CENPN: variants seen among roughly 807,000 people sequenced by gnomAD.
CENPN encodes the protein interphase centromere complex protein 32.
CENPN carries 36 observed loss-of-function variants against 48.6 expected under a neutral mutation model. The ratio of observed to expected loss-of-function variants is 0.74; its 90% CI spans 0.57 to 0.98. The LOEUF (loss-of-function observed/expected upper bound fraction) is 0.98. Ranked by LOEUF, CENPN falls within the 50% of genes least tolerant of loss-of-function variation. CENPN has a pLI of 0.00. For synonymous variants in CENPN, 166 were observed against 135.2 expected (o/e 1.23, Z -1.58); for missense variants, 439 against 399.2 (o/e 1.10, Z -0.85).
chr16:81,018,429 C>T (rs772195911), intron 5 of CENPN, among the ~76,000 whole-genome samples: 37 of 152,118 alleles, frequency 2.4e-4, no homozygotes, highest in Non-Finnish European at 4.6e-4. Context: ...CTGCCTCGGC[C>T]TCCCAAAGTG....
chr16:81,011,160 C>G (rs1490790793), intron 1 of CENPN, among the ~76,000 whole-genome samples: 2 of 152,156 alleles, frequency 1.3e-5, no homozygotes, highest in Non-Finnish European at 2.9e-5. Context: ...AGGCTCTTGC[C>G]TCAGGACTTT....
chr16:81,014,306 C>T (rs1213280634), intron 3 of CENPN, 125 bp downstream of exon 3: 5 of 724,812 alleles, frequency 6.9e-6, no homozygotes, highest in Non-Finnish European at 7.3e-6. Flanking sequence ...GCCATCTCAG[C>T]TCACCGCGAC....
intron 4 of CENPN, 21 bp from the exon 5 acceptor site, chr16:81,017,737 A>T (rs1567549711): frequency 4.1e-6 from 6 of 1,464,672 alleles, no homozygotes; most frequent in East Asian, 2.4e-5. Context: ...ATTTTTCTTT[A>T]TTTTTTTTTC....
At chr16:81,015,305 G>A (rs1969891415) in intron 3 of CENPN, among the ~76,000 whole-genome samples, 6 of 152,184 alleles carry the variant, frequency 3.9e-5, no homozygotes, top group Admixed American at 3.9e-4. Flanking sequence ...CAGACCTCTT[G>A]GGTTCATTTC....
At chr16:81,019,258 C>G (rs924294498) in intron 5 of CENPN, among the ~76,000 whole-genome samples, 52 of 151,858 alleles carry the variant, frequency 3.4e-4, no homozygotes, top group African/African-American at 1.1e-3. Context: ...ACTCTGTTGC[C>G]CAGGCTGGAA....
At chr16:81,017,608 A>T in intron 4 of CENPN, 150 bp from the exon 5 acceptor site, 1 of 690,038 alleles carries the variant, frequency 1.4e-6, no homozygotes, top group South Asian at 1.7e-5. Context: ...TCTTGGTGCC[A>T]TGTCAGAAGT....
rs1453135809 is a variant in CENPN at position 81,030,239 on chromosome 16, G to T, written c.*1588G>T. 1.0e-6 allele frequency: 1 copy of T among 985,308 alleles called. No individual in the cohort carries two copies. 61.0% of individuals were successfully genotyped at this position (985,308 alleles called of 1,614,324 possible). On this transcript the variant is annotated 3_prime_UTR_variant, in exon 11 of 11. Transcript: ENST00000305850. Reference sequence around the variant, plus strand: ...CATGAGCTACCACGCCCGCCAGCATGTCTTTTTTAAACATTTTAAAATCTA... The same window carrying T: ...CATGAGCTACCACGCCCGCCAGCATTTCTTTTTTAAACATTTTAAAATCTA...
intron 1 of CENPN, among the ~76,000 whole-genome samples, chr16:81,011,440 C>A (rs576544891): frequency 6.6e-6 from 1 of 152,280 alleles, no homozygotes; most frequent in East Asian, 1.9e-4. Flanking sequence ...TATGTATCCC[C>A]AGTGCCTAGA....
At chr16:81,014,653 G>A (rs1969867204) in intron 3 of CENPN, among the ~76,000 whole-genome samples, 1 of 152,146 alleles carries the variant, frequency 6.6e-6, no homozygotes, top group South Asian at 2.1e-4. Flanking sequence ...ACTTCAAGCA[G>A]AGATAATAGT....
At chr16:81,014,230 G>A (rs374009098) in intron 3 of CENPN, 49 bp downstream of exon 3, 1 of 1,525,958 alleles carries the variant, frequency 6.6e-7, no homozygotes, top group Middle Eastern at 1.7e-4. Context: ...GTTTATTAGA[G>A]GCAATTTTGT....
In CENPN at chr16:81,029,226, G is replaced by T. The variant is rs1430007805; in HGVS notation, c.*575G>T. 1.1e-6 allele frequency: 1 copy of T among 918,462 alleles called. No individual in the cohort carries two copies. The highest frequency in any genetic ancestry group is 6.2e-5 in the Admixed American group (1 of 16,170). The allele number at this position is 918,462 out of a possible 1,614,324, so 56.9% of individuals were successfully genotyped here. On this transcript the variant is annotated 3_prime_UTR_variant, in exon 11 of 11. Transcript: ENST00000305850. ...AAAATAGTGTTCTTATTGTAAATAT[G>T]ATACTTCTCATAATCTATTTTATCA... is the stretch of plus-strand genomic sequence containing the variant.
intron 6 of CENPN, among the ~76,000 whole-genome samples, chr16:81,021,451 A>G (rs559593830): frequency 6.6e-6 from 1 of 152,224 alleles, no homozygotes; most frequent in South Asian, 2.1e-4. Context: ...GAGCAGCTCC[A>G]CCATCCTGGC....
chr16:81,028,575 C>G lies in CENPN; in HGVS notation c.944C>G (p.Ala315Gly). The G allele has an allele frequency of 6.3e-7, 1 of 1,598,392 alleles. No homozygotes were observed. The highest frequency in any genetic ancestry group is 8.5e-7 in the Non-Finnish European group (1 of 1,171,452). ...TTTTTTTTTTTAATTTCAGGTATTGCAGATGCTCCACTTTCTCCACTGCTC... is the reference window on the plus strand; with the variant it reads ...TTTTTTTTTTTAATTTCAGGTATTGGAGATGCTCCACTTTCTCCACTGCTC... ...ALKSLAPAGIADAPLSPLLTC... is the reference protein window; with the variant it reads ...ALKSLAPAGIGDAPLSPLLTC... The change falls in exon 11 of 11, where the codon GCA becomes GGA. Residue 315 changes from alanine to glycine, a missense_variant. By Grantham distance (60) the Ala-to-Gly change is moderately conservative. Coordinates refer to ENST00000305850, the MANE Select transcript of CENPN (RefSeq NM_001100624.3).
intron 3 of CENPN, 119 bp from the exon 4 acceptor site, chr16:81,017,205 GTA>G: frequency 1.4e-6 from 1 of 690,160 alleles, no homozygotes; most frequent in Admixed American, 2.6e-5. Context: ...ATACAAATCT[GTA>G]TAACTCAATT....
intron 8 of CENPN, among the ~76,000 whole-genome samples, chr16:81,025,044 G>C (rs998939140): frequency 6.6e-6 from 1 of 152,234 alleles, no homozygotes; most frequent in African/African-American, 2.4e-5. Flanking sequence ...TTGTGTGCCA[G>C]GCACCACACT....
chr16:81,008,146 G>T (rs1308963244), intron 1 of CENPN, among the ~76,000 whole-genome samples: 1 of 152,064 alleles, frequency 6.6e-6, no homozygotes, highest in Non-Finnish European at 1.5e-5. Flanking sequence ...ATGGTCACGG[G>T]GTAAACGTTT....
At chr16:81,012,162 TTTTC>T (rs1405289648) in intron 2 of CENPN, 52 bp downstream of exon 2, 3 of 1,522,660 alleles carry the variant, frequency 2.0e-6, no homozygotes, top group East Asian at 4.5e-5. Context: ...CCCCTTGGGT[TTTTC>T]TTTCTTCTAT....
chr16:81,011,903 T>C (rs989262088), intron 1 of CENPN, 27 bp from the exon 2 acceptor site: 2 of 1,580,560 alleles, frequency 1.3e-6, no homozygotes, highest in South Asian at 1.1e-5. Context: ...GTTAATACTT[T>C]GTTGTGCTGT....
chr16:81,014,121 T>C lies in CENPN; in HGVS notation c.172-15T>C. On this transcript the variant is annotated splice_polypyrimidine_tract_variant and intron_variant, in intron 2 of 10. Coordinates refer to ENST00000305850, the MANE Select transcript of CENPN (RefSeq NM_001100624.3). ...CTATAACCACAGTTACTAAATAATTTGTTTTCTCTTTTAGGAAAAGCGTGC... is the reference window on the plus strand; with the variant it reads ...CTATAACCACAGTTACTAAATAATTCGTTTTCTCTTTTAGGAAAAGCGTGC... The C allele has an allele frequency of 6.2e-7, 1 of 1,610,738 alleles. No homozygotes were observed. Among genetic ancestry groups the C allele is most frequent in the Non-Finnish European group, 8.5e-7 (1 of 1,177,086 alleles).
Sources: gnomAD v4.1 joint callset for allele counts (sites outside exome capture counted in the v4.1 genomes callset) on GRCh38, gnomAD v4.1.1 for gene constraint, MANE v1.5 for transcripts, NCBI Gene and HGNC (gene_info 2026-07-23, HGNC 2026-07-21) for gene names.